Variants in LRBA observed in about 807,000 individuals in gnomAD.
The protein encoded by LRBA is LPS responsive beige-like anchor protein.
Under a neutral mutation model 330.0 loss-of-function variants are expected in LRBA, and 176 were observed. The ratio of observed to expected loss-of-function variants is 0.53; its 90% CI spans 0.47 to 0.60. The LOEUF is 0.60. Ranked by LOEUF, LRBA falls within the 20% of genes least tolerant of loss-of-function variation. LRBA has a pLI of 0.00. For missense variants in LRBA, 3,259 were observed against 3,444.8 expected (o/e 0.95, Z 1.35); for synonymous variants, 1,230 against 1,193.0 (o/e 1.03, Z -0.64).
At chr4:150,877,443 C>A (rs997667723) in intron 17 of LRBA, among the ~76,000 whole-genome samples, 7 of 151,976 alleles carry the variant, frequency 4.6e-5, no homozygotes, top group African/African-American at 1.7e-4. Flanking sequence ...AATGGCATTG[C>A]ATAATGAAAA....
intron 34 of LRBA, among the ~76,000 whole-genome samples, chr4:150,777,066 T>TTGTTGTTGTTG (rs1553959732): frequency 4.5e-5 from 6 of 134,306 alleles, no homozygotes; most frequent in Non-Finnish European, 9.0e-5. Flanking sequence ...TTTGAGGGGT[T>TTGTTGTTGTTG]TTGTTGTTGT....
At chr4:150,757,682 C>T (rs974199872) in intron 35 of LRBA, among the ~76,000 whole-genome samples, 19 of 152,078 alleles carry the variant, frequency 1.2e-4, no homozygotes, top group Non-Finnish European at 2.4e-4. Flanking sequence ...CCTCAAGGCA[C>T]TAAATATTTA....
intron 2 of LRBA, among the ~76,000 whole-genome samples, chr4:150,978,178 G>C (rs1740417279): frequency 6.6e-6 from 1 of 152,236 alleles, no homozygotes; most frequent in Non-Finnish European, 1.5e-5. Flanking sequence ...GCTCCAGGTG[G>C]TTCAGCACAG....
At chr4:150,903,493 T>C (rs1148646) in intron 13 of LRBA, among the ~76,000 whole-genome samples, 16,137 of 151,658 alleles carry the variant, frequency 0.11, 1,176 homozygotes, top group South Asian at 0.26. Context: ...ATCCCAGCAC[T>C]CTTGGGGGGC....
chr4:150,751,683 G>A (rs1429804351), intron 35 of LRBA, among the ~76,000 whole-genome samples: 1 of 151,958 alleles, frequency 6.6e-6, no homozygotes, highest in Non-Finnish European at 1.5e-5. Context: ...ATATTAAGAA[G>A]AAAAAACTAT....
chr4:150,976,989 G>A (rs1047507262), intron 2 of LRBA, among the ~76,000 whole-genome samples: 1 of 152,174 alleles, frequency 6.6e-6, no homozygotes, highest in Non-Finnish European at 1.5e-5. Context: ...CCTCACCACC[G>A]TGGCTTAAAG....
intron 34 of LRBA, among the ~76,000 whole-genome samples, chr4:150,786,793 C>G (rs1739126415): frequency 6.6e-6 from 1 of 152,146 alleles, no homozygotes; most frequent in South Asian, 2.1e-4. Flanking sequence ...ATTTAGCCAG[C>G]TGTATGTGTA....
At chr4:150,750,892 G>A (rs1346088040) in intron 35 of LRBA, among the ~76,000 whole-genome samples, 4 of 147,470 alleles carry the variant, frequency 2.7e-5, no homozygotes, top group South Asian at 2.1e-4. Flanking sequence ...AGGAAGCAGG[G>A]AAGGAAAAAG....
chr4:150,527,156 T>C (rs960470251), intron 40 of LRBA, among the ~76,000 whole-genome samples: 1 of 152,178 alleles, frequency 6.6e-6, no homozygotes, highest in African/African-American at 2.4e-5. Context: ...CAAAATGAGA[T>C]GCAAGCGTCT....
At chr4:150,341,426 C>T (rs896248276) in intron 48 of LRBA, among the ~76,000 whole-genome samples, 3 of 152,096 alleles carry the variant, frequency 2.0e-5, no homozygotes, top group African/African-American at 7.2e-5. Context: ...CCTCAGCCTC[C>T]CAAAGTGCTG....
chr4:150,489,113 C>CATATATAACATATAAGAATATATA (rs1758324678), intron 41 of LRBA, among the ~76,000 whole-genome samples: 1 of 40,342 alleles, frequency 2.5e-5, no homozygotes, highest in Non-Finnish European at 4.0e-5. Context: ...TATTATATAT[C>CATATATAACATATAAGAATATATA]ATATATAATA....
At chr4:150,524,894 T>G (rs1763295769) in intron 40 of LRBA, among the ~76,000 whole-genome samples, 1 of 152,148 alleles carries the variant, frequency 6.6e-6, no homozygotes, top group African/African-American at 2.4e-5. Flanking sequence ...AGGCCAAACA[T>G]CCTCTTAGCT....
chr4:150,848,046 G>A (rs894546702), intron 26 of LRBA, among the ~76,000 whole-genome samples: 2 of 151,208 alleles, frequency 1.3e-5, no homozygotes, highest in Non-Finnish European at 2.9e-5. Context: ...ACAGAGTCCC[G>A]CTCAATTGCC....
intron 13 of LRBA, among the ~76,000 whole-genome samples, chr4:150,900,793 A>C (rs946544127): frequency 6.6e-6 from 1 of 152,210 alleles, no homozygotes; most frequent in Non-Finnish European, 1.5e-5. Flanking sequence ...AAACATTCCA[A>C]TCTAGCATTT....
At chr4:150,616,691 T>C (rs148142801) in intron 37 of LRBA, among the ~76,000 whole-genome samples, 40 of 152,204 alleles carry the variant, frequency 2.6e-4, no homozygotes, top group East Asian at 1.4e-3. Context: ...CAAGAGAGAA[T>C]AGGAGAAGAG....
chr4:150,712,728 G>C lies in LRBA; in HGVS notation c.5754+22530C>G, dbSNP rs942885838. Among the ~76,000 whole-genome samples, 4 of 152,052 alleles carry C rather than the reference G, an allele frequency of 2.6e-5. 1 individual carries two copies. The highest frequency in any genetic ancestry group is 9.7e-5 in the African/African-American group (4 of 41,416). ...ATTCTACTGGACAAGACATGTAAAG[G>C]AGAGAAAACAGCAACATCCCTAAAA... On this transcript the variant is annotated intron_variant, in intron 36 of 56. Coordinates refer to ENST00000651943, the MANE Select transcript of LRBA (RefSeq NM_001364905.1).
In LRBA at chr4:150,922,394, G is replaced by GTATATATATATA. The variant is rs56340108; in HGVS notation, c.550-1113_550-1102dup. Among the ~76,000 whole-genome samples the GTATATATATATA allele has an allele frequency of 3.6e-3, 497 of 139,706 alleles. 4 individuals carry two copies. The highest frequency in any genetic ancestry group is 0.011 in the Middle Eastern group (3 of 278). 91.7% of individuals were successfully genotyped at this position (139,706 alleles called of 152,430 possible). ...TCAACGAGTGGATAAAGAAACTGTG[G>GTATATATATATA]TATATATATATATATATATATATGA... On this transcript the variant is annotated intron_variant, in intron 4 of 56. Transcript: ENST00000651943.
At chr4:150,723,149 C>T (rs1259244646) in intron 36 of LRBA, among the ~76,000 whole-genome samples, 2 of 152,140 alleles carry the variant, frequency 1.3e-5, no homozygotes, top group East Asian at 3.9e-4. Flanking sequence ...AATTTCTAGG[C>T]TCCTCCTAGT....
intron 34 of LRBA, among the ~76,000 whole-genome samples, chr4:150,792,385 G>C (rs951582923): frequency 7.2e-5 from 11 of 152,174 alleles, no homozygotes; most frequent in Non-Finnish European, 1.2e-4. Context: ...TGATTGAAAA[G>C]AGGCACAGGG....
Sources: gnomAD v4.1 joint callset for allele counts (sites outside exome capture counted in the v4.1 genomes callset) on GRCh38, gnomAD v4.1.1 for gene constraint, MANE v1.5 for transcripts, NCBI Gene and HGNC (gene_info 2026-07-23, HGNC 2026-07-21) for gene names.